FARS2: variants seen among roughly 807,000 people sequenced by gnomAD.
FARS2 encodes phenylalanine--tRNA ligase, mitochondrial.
In FARS2, 40 loss-of-function variants were observed where a neutral mutation model predicts 46.4. The observed-to-expected ratio is 0.86, with a 90% CI of 0.67 to 1.12. FARS2 has a LOEUF of 1.12. Ranked by LOEUF, FARS2 falls within the 50% of genes most tolerant of loss-of-function variation. The pLI is 0.00. For synonymous variants in FARS2, 234 were observed against 214.9 expected, an observed-to-expected ratio of 1.09 and a Z score of -0.78; for missense variants, 513 against 567.9, an observed-to-expected ratio of 0.90 and a Z score of 0.98.
At chr6:5,253,616 G>C in the FARS2 span, among the ~76,000 whole-genome samples, 1 of 152,178 alleles carries the variant, frequency 6.6e-6, no homozygotes, top group East Asian at 1.9e-4. Context: ...GGTGGTTCAA[G>C]AAGTTTTGCA....
At chr6:5,341,554 T>C (rs1004930912) in intron 1 of FARS2, among the ~76,000 whole-genome samples, 1 of 152,000 alleles carries the variant, frequency 6.6e-6, no homozygotes, top group Non-Finnish European at 1.5e-5. Flanking sequence ...AGTCTCGCTC[T>C]GTTGCCCAGG....
intron 4 of FARS2, among the ~76,000 whole-genome samples, chr6:5,464,165 G>T (rs539418453): frequency 2.0e-4 from 30 of 152,324 alleles, no homozygotes; most frequent in South Asian, 4.1e-4. Flanking sequence ...AAATGCAAAG[G>T]AAAGTTAGTC....
intron 2 of FARS2, among the ~76,000 whole-genome samples, chr6:5,389,472 A>AT (rs1234023676): frequency 6.6e-6 from 1 of 152,118 alleles, no homozygotes. Context: ...ACCTAGCAAG[A>AT]TTTTTCTATT....
chr6:5,285,072 G>C (rs1480425037), intron 1 of FARS2, among the ~76,000 whole-genome samples: 1 of 152,172 alleles, frequency 6.6e-6, no homozygotes, highest in Admixed American at 6.5e-5. Flanking sequence ...AAGCCAGGTA[G>C]CAAGGAGAAA....
chr6:5,441,378 T>C (rs1354230406), intron 4 of FARS2, among the ~76,000 whole-genome samples: 1 of 152,176 alleles, frequency 6.6e-6, no homozygotes, highest in African/African-American at 2.4e-5. Flanking sequence ...CTTCCCTCTC[T>C]CCCTCCCTTC....
intron 5 of FARS2, among the ~76,000 whole-genome samples, chr6:5,574,970 C>T (rs1375379970): frequency 2.6e-5 from 4 of 151,882 alleles, no homozygotes; most frequent in Non-Finnish European, 5.9e-5. Flanking sequence ...AAAAAAAATC[C>T]ACATATAAGT....
intron 3 of FARS2, among the ~76,000 whole-genome samples, chr6:5,425,901 G>A (rs1189087884): frequency 6.6e-6 from 1 of 152,170 alleles, no homozygotes; most frequent in Non-Finnish European, 1.5e-5. Context: ...TGAAACCACT[G>A]GGTGAGGGCA....
chr6:5,606,155 A>T (rs941072499), intron 5 of FARS2, among the ~76,000 whole-genome samples: 4 of 152,020 alleles, frequency 2.6e-5, no homozygotes, highest in Non-Finnish European at 5.9e-5. Flanking sequence ...GAATTGGAAC[A>T]AGACGTGAAC....
intron 4 of FARS2, among the ~76,000 whole-genome samples, chr6:5,508,994 T>C (rs1308394627): frequency 6.6e-6 from 1 of 152,234 alleles, no homozygotes; most frequent in East Asian, 1.9e-4. Context: ...TGGTCTCCAG[T>C]TGATTTTTGT....
chr6:5,340,306 T>C (rs1047634556), intron 1 of FARS2, among the ~76,000 whole-genome samples: 3 of 152,230 alleles, frequency 2.0e-5, no homozygotes, highest in Non-Finnish European at 4.4e-5. Context: ...ACTTGGAGCA[T>C]CAGCATGTGT....
At position 5,489,519 on chromosome 6, in the gene FARS2, A is replaced by G. The variant is rs73356321; in HGVS notation, c.905-55661A>G. Among the ~76,000 whole-genome samples, 1,085 of 152,342 alleles carry G rather than the reference A, an allele frequency of 7.1e-3. 10 individuals carry two copies. The highest frequency in any genetic ancestry group is 0.024 in the African/African-American group (983 of 41,582). On this transcript the variant is annotated intron_variant, in intron 4 of 6. Transcript: ENST00000274680. Reference sequence around the variant, plus strand: ...TGGGAAGGTGACATTTGATGTTTCAATGTTATCATGACATTTGAATTTCTC... The same window carrying G: ...TGGGAAGGTGACATTTGATGTTTCAGTGTTATCATGACATTTGAATTTCTC...
chr6:5,402,665 A>T (rs993916677), intron 2 of FARS2, among the ~76,000 whole-genome samples: 4 of 151,838 alleles, frequency 2.6e-5, no homozygotes, highest in African/African-American at 9.7e-5. Context: ...ACAACCTTGA[A>T]TTTTCTCATT....
intron 2 of FARS2, among the ~76,000 whole-genome samples, chr6:5,399,126 TTTTATTATTATTA>T (rs1490376370): frequency 3.8e-5 from 4 of 105,620 alleles, no homozygotes; most frequent in Non-Finnish European, 5.3e-5. Flanking sequence ...TTTTATATTA[TTTTATTATTATTA>T]TTATTATTAT....
chr6:5,652,679 C>T (rs769549216), intron 6 of FARS2, among the ~76,000 whole-genome samples: 36 of 152,320 alleles, frequency 2.4e-4, no homozygotes, highest in Non-Finnish European at 4.7e-4. Context: ...CTTTGATGAG[C>T]GCTTGTTACC....
chr6:5,456,744 A>AAAAAAAAAAG (rs1554187511), intron 4 of FARS2, among the ~76,000 whole-genome samples: 4 of 148,980 alleles, frequency 2.7e-5, no homozygotes, highest in African/African-American at 1.0e-4. Context: ...AAAAAAAAAA[A>AAAAAAAAAAG]AAAAGAGATG....
chr6:5,593,556 A>G (rs1043549764), intron 5 of FARS2, among the ~76,000 whole-genome samples: 4 of 152,222 alleles, frequency 2.6e-5, no homozygotes, highest in African/African-American at 7.2e-5. Context: ...GCCAAAAGGA[A>G]GTTACCTCCT....
chr6:5,711,553 C>A (rs1231589864), intron 6 of FARS2, among the ~76,000 whole-genome samples: 1 of 152,168 alleles, frequency 6.6e-6, no homozygotes, highest in Non-Finnish European at 1.5e-5. Context: ...GACAGTATGT[C>A]CCCTAGCTCT....
rs555267594 is a variant in FARS2, at chr6:5,376,146, C to T, written c.612+6964C>T. On this transcript the variant is annotated intron_variant, in intron 2 of 6. Transcript: ENST00000274680. ...CACTACCAATCTTCTGTCAATCTTT[C>T]GACACTGTTCTCCTTTCTGAAAATG... 9.2e-5 allele frequency among the ~76,000 whole-genome samples: 14 copies of T among 152,154 alleles called. No individual in the cohort carries two copies. In the East Asian group the frequency reaches 2.7e-3, roughly 29 times the overall value.
At chr6:5,762,957 G>A (rs1195910511) in intron 6 of FARS2, among the ~76,000 whole-genome samples, 3 of 152,202 alleles carry the variant, frequency 2.0e-5, no homozygotes, top group African/African-American at 4.8e-5. Flanking sequence ...TTGTGAGAAC[G>A]AGGAGGAGAA....
Sources: gnomAD v4.1 joint callset for allele counts (sites outside exome capture counted in the v4.1 genomes callset) on GRCh38, gnomAD v4.1.1 for gene constraint, MANE v1.5 for transcripts, NCBI Gene and HGNC (gene_info 2026-07-23, HGNC 2026-07-21) for gene names.